Variants in SBF2 observed in about 807,000 individuals in gnomAD.
SBF2 encodes the protein SET binding factor 2.
Under a neutral mutation model 225.2 loss-of-function variants are expected in SBF2, and 112 were observed. The ratio of observed to expected loss-of-function variants is 0.50; its 90% CI spans 0.43 to 0.58. The LOEUF is 0.58. Among genes scored for constraint, SBF2 ranks in the 20% least tolerant of loss-of-function variants. The probability of loss-of-function intolerance (pLI) is 0.00; values close to 1 mark genes in which losing one functional copy is unlikely to be tolerated. For missense variants in SBF2, 1,996 were observed against 2,206.2 expected (o/e 0.90, Z 1.91); for synonymous variants, 763 against 773.3 (o/e 0.99, Z 0.22).
chr11:10,261,725 G>A (rs569376446), intron 1 of SBF2, among the ~76,000 whole-genome samples: 14 of 152,188 alleles, frequency 9.2e-5, no homozygotes, highest in African/African-American at 2.4e-4. Flanking sequence ...AAACAGTCCG[G>A]GTATTCATCA....
At chr11:10,141,965 C>T (rs1309636179) in intron 2 of SBF2, among the ~76,000 whole-genome samples, 1 of 152,142 alleles carries the variant, frequency 6.6e-6, no homozygotes, top group African/African-American at 2.4e-5. Flanking sequence ...CCTCTTTAAG[C>T]TCTTAACCTT....
chr11:9,988,525 T>C (rs1462162696), intron 13 of SBF2, among the ~76,000 whole-genome samples: 2 of 151,854 alleles, frequency 1.3e-5, no homozygotes, highest in Non-Finnish European at 2.9e-5. Flanking sequence ...AAGACGACTA[T>C]CCAGAATCTA....
intron 2 of SBF2, among the ~76,000 whole-genome samples, chr11:10,172,961 C>A (rs1055986475): frequency 1.3e-5 from 2 of 152,210 alleles, no homozygotes; most frequent in Non-Finnish European, 2.9e-5. Flanking sequence ...AGCCAGCGTG[C>A]CTGGCCTTAA....
intron 16 of SBF2, among the ~76,000 whole-genome samples, chr11:9,922,019 G>C (rs1863670672): frequency 6.6e-6 from 1 of 152,170 alleles, no homozygotes; most frequent in Non-Finnish European, 1.5e-5. Flanking sequence ...GCCAAGGTGG[G>C]AGGACTGCTT....
chr11:9,780,393 C>T lies in SBF2; in HGVS notation c.*25G>A. 2 of 1,589,318 alleles carry T rather than the reference C, an allele frequency of 1.3e-6. No homozygotes were observed. Among genetic ancestry groups the T allele is most frequent in the South Asian group, 2.2e-5 (2 of 90,464 alleles). On this transcript the variant is annotated 3_prime_UTR_variant, in exon 40 of 40. Transcript: ENST00000256190. ...TCTGGCAGCATGAGTTCTTCTGTTT[C>T]TTCTGCGTGGGTTGACCATGGGCAT...
chr11:10,195,259 C>G (rs1395930832), intron 1 of SBF2, among the ~76,000 whole-genome samples: 2 of 152,090 alleles, frequency 1.3e-5, no homozygotes, highest in African/African-American at 4.8e-5. Context: ...GAAAAATGTC[C>G]CCAGATGTTG....
chr11:9,916,446 T>A (rs1160034783), intron 16 of SBF2, among the ~76,000 whole-genome samples: 1 of 152,208 alleles, frequency 6.6e-6, no homozygotes, highest in Non-Finnish European at 1.5e-5. Context: ...TATATCTATA[T>A]TTCACATATT....
intron 16 of SBF2, among the ~76,000 whole-genome samples, chr11:9,913,763 A>G (rs1862844014): frequency 6.6e-6 from 1 of 152,254 alleles, no homozygotes; most frequent in African/African-American, 2.4e-5. Flanking sequence ...GCTCACCAGA[A>G]AACTAAGACC....
chr11:9,988,107 T>G (rs1947273629), intron 13 of SBF2, among the ~76,000 whole-genome samples: 1 of 152,006 alleles, frequency 6.6e-6, no homozygotes. Context: ...GAAATAGACC[T>G]AAATACTTAC....
intron 17 of SBF2, among the ~76,000 whole-genome samples, chr11:9,886,801 CAT>C (rs139951283): frequency 0.19 from 28,042 of 151,140 alleles, 2,924 homozygotes; most frequent in Middle Eastern, 0.23. Flanking sequence ...CATGGGCACA[CAT>C]GTCACAATTT....
intron 16 of SBF2, among the ~76,000 whole-genome samples, chr11:9,924,425 C>CTTAT (rs113358504): frequency 3.2e-4 from 48 of 152,000 alleles, no homozygotes; most frequent in East Asian, 1.2e-3. Flanking sequence ...AAAGCATTTT[C>CTTAT]TTATTTATTT....
intron 1 of SBF2, among the ~76,000 whole-genome samples, chr11:10,245,741 A>C (rs907519398): frequency 2.6e-5 from 4 of 152,242 alleles, no homozygotes; most frequent in Admixed American, 2.6e-4. Context: ...CATGGAAACA[A>C]GCTAAATGTC....
chr11:10,063,858 C>CACACACACAGAGAGAGAGAGAGAGAG (rs373423157), intron 2 of SBF2, among the ~76,000 whole-genome samples: 1 of 136,172 alleles, frequency 7.3e-6, no homozygotes, highest in Admixed American at 7.7e-5. Flanking sequence ...CACACACACA[C>CACACACACAGAGAGAGAGAGAGAGAG]AGAGAGAGAG....
chr11:10,120,902 G>A (rs1460434306), intron 2 of SBF2, among the ~76,000 whole-genome samples: 1 of 152,114 alleles, frequency 6.6e-6, no homozygotes, highest in African/African-American at 2.4e-5. Flanking sequence ...TAGCAGGCGT[G>A]AGCTACCGTG....
chr11:9,852,097 T>C (rs1171029008), intron 21 of SBF2, among the ~76,000 whole-genome samples: 3 of 152,168 alleles, frequency 2.0e-5, no homozygotes, highest in East Asian at 1.9e-4. Context: ...TGTTCTATTA[T>C]AAAGTTCTGT....
chr11:9,958,610 G>C (rs952921703), intron 16 of SBF2: 1 of 211,112 alleles, frequency 4.7e-6, no homozygotes. Flanking sequence ...CGCCCGCCTC[G>C]GCCTCCCAAA....
rs1035148815 is a variant in SBF2, at chr11:10,185,716, C to CTT, written c.141+8184_141+8185dup. On this transcript the variant is annotated intron_variant, in intron 2 of 39. Coordinates refer to ENST00000256190, the MANE Select transcript of SBF2 (RefSeq NM_030962.4). ...CCTTAATAATTGGTGATGTTAGCAT[C>CTT]TTTTCGTGTGCTTGTAGATCTCCTT... Among the ~76,000 whole-genome samples the CTT allele has an allele frequency of 2.5e-4, 38 of 150,760 alleles. No individual in the cohort carries two copies. In the Middle Eastern group the frequency reaches 0.031, roughly 121 times the overall value.
intron 28 of SBF2, among the ~76,000 whole-genome samples, chr11:9,824,548 C>T (rs538151348): frequency 7.1e-6 from 1 of 139,882 alleles, no homozygotes; most frequent in East Asian, 2.1e-4. Context: ...GGTGACAGAG[C>T]GAGACTCCAT....
chr11:10,196,857 TATATA>T (rs1414602847), intron 1 of SBF2, among the ~76,000 whole-genome samples: 3,467 of 33,036 alleles, frequency 0.1, 212 homozygotes, highest in Non-Finnish European at 0.17. Flanking sequence ...TATATATATA[TATATA>T]TATATTTTTT....
Sources: gnomAD v4.1 joint callset for allele counts (sites outside exome capture counted in the v4.1 genomes callset) on GRCh38, gnomAD v4.1.1 for gene constraint, MANE v1.5 for transcripts, NCBI Gene and HGNC (gene_info 2026-07-23, HGNC 2026-07-21) for gene names.